TTLL7: variants seen among roughly 807,000 people sequenced by gnomAD.
The protein encoded by TTLL7 is tubulin tyrosine ligase like 7.
A neutral mutation model predicts 120.2 loss-of-function variants in TTLL7; 53 were observed. The observed-to-expected ratio is 0.44, with a 90% CI of 0.35 to 0.55. The LOEUF is 0.55. TTLL7 is among the 20% of genes least tolerant of loss of function. The pLI, the probability that TTLL7 is intolerant of heterozygous loss-of-function variation, is 0.00. For missense variants in TTLL7, 803 were observed against 1,054.7 expected, an observed-to-expected ratio of 0.76 and a Z score of 3.31; for synonymous variants, 353 against 351.7, an observed-to-expected ratio of 1.00 and a Z score of -0.04.
In TTLL7 at chr1:83,911,347, G is replaced by A. The variant is rs369267255; in HGVS notation, c.1604C>T (p.Pro535Leu). The change falls in exon 15 of 21, where the codon CCT becomes CTT. Residue 535 changes from proline to leucine, a missense_variant. Physicochemically the swap from Pro to Leu is moderately conservative, Grantham distance 98. This residue lies in a region of TTLL7 where 388 missense variants were observed against 450.4 expected (regional missense o/e 0.86). Transcript: ENST00000260505. ...TCTTTTCATTATCTCAGTACTCTCA[G>A]GCATAGAACACAGAGGCTAAAAAAG... is the stretch of plus-strand genomic sequence containing the variant. ...TRGPKPLCSMPESTEIMKRPK... is the reference protein window; with the variant it reads ...TRGPKPLCSMLESTEIMKRPK... 3.1e-6 allele frequency: 5 copies of A among 1,611,912 alleles called. No individual in the cohort carries two copies. The highest frequency in any genetic ancestry group is 1.3e-5 in the African/African-American group (1 of 74,716).
intron 1 of TTLL7, among the ~76,000 whole-genome samples, chr1:83,986,739 C>T (rs1340646847): frequency 6.6e-6 from 1 of 152,098 alleles, no homozygotes; most frequent in Non-Finnish European, 1.5e-5. Flanking sequence ...ACTCAAGAGG[C>T]TGAGACAGCA....
At chr1:83,976,077 C>CTG (rs1651457104) in intron 1 of TTLL7, among the ~76,000 whole-genome samples, 3 of 103,062 alleles carry the variant, frequency 2.9e-5, no homozygotes, top group African/African-American at 7.3e-5. Flanking sequence ...GTGTGTGTGT[C>CTG]TGTGTGTGTA....
chr1:83,884,536 A>G (rs1654806016), intron 19 of TTLL7, among the ~76,000 whole-genome samples: 1 of 151,850 alleles, frequency 6.6e-6, no homozygotes, highest in Non-Finnish European at 1.5e-5. Context: ...AGGGAGTAAG[A>G]CTGAAATGAG....
At chr1:83,970,847 G>A (rs1187609446) in intron 1 of TTLL7, among the ~76,000 whole-genome samples, 4 of 152,028 alleles carry the variant, frequency 2.6e-5, no homozygotes, top group African/African-American at 7.2e-5. Flanking sequence ...ACAGCTTCAT[G>A]GTGGGTGGCA....
At chr1:83,984,459 T>TA (rs1652262649) in intron 1 of TTLL7, among the ~76,000 whole-genome samples, 1 of 152,148 alleles carries the variant, frequency 6.6e-6, no homozygotes, top group South Asian at 2.1e-4. Flanking sequence ...ACCAAAAAGA[T>TA]ACATGCACTT....
At chr1:83,973,689 A>G (rs1392563339) in intron 1 of TTLL7, among the ~76,000 whole-genome samples, 1 of 152,104 alleles carries the variant, frequency 6.6e-6, no homozygotes, top group Non-Finnish European at 1.5e-5. Context: ...GAGCCTTCCT[A>G]TAACTGAACT....
rs188369548 is a variant in TTLL7, at chr1:83,973,535, T to C, written c.-176-21148A>G. ...CCAACTTTGTTCTTCTCCTTCGATA[T>C]TGTGTTGGCTCTTCTGGGTCTCTTG... On this transcript the variant is annotated intron_variant, in intron 1 of 20. Coordinates refer to ENST00000260505, the MANE Select transcript of TTLL7 (RefSeq NM_024686.6). 3.5e-4 allele frequency among the ~76,000 whole-genome samples: 53 copies of C among 152,172 alleles called. No individual in the cohort carries two copies. In the East Asian group the frequency reaches 8.3e-3, roughly 24 times the overall value.
At chr1:83,900,955 G>A (rs141299970) in intron 18 of TTLL7, among the ~76,000 whole-genome samples, 5 of 152,014 alleles carry the variant, frequency 3.3e-5, no homozygotes, top group Admixed American at 6.6e-5. Context: ...TAAGGTCAAG[G>A]ATCTATTTAC....
Position 83,947,104 on chromosome 1 carries a change from C to T in TTLL7, c.506+20G>A. ...AAATTTTTTTTTATTTTTATATATT[C>T]CAAATAAAAGCAAACCTACCCATGA... On this transcript the variant is annotated intron_variant, in intron 6 of 20. Transcript: ENST00000260505. The T allele has an allele frequency of 6.4e-7, 1 of 1,550,612 alleles. No homozygotes were observed. The highest frequency in any genetic ancestry group is 1.3e-5 in the South Asian group (1 of 79,510).
At chr1:83,876,931 A>G (rs903168304) in intron 20 of TTLL7, among the ~76,000 whole-genome samples, 1 of 151,978 alleles carries the variant, frequency 6.6e-6, no homozygotes, top group Non-Finnish European at 1.5e-5. Flanking sequence ...GACCGCTAAT[A>G]CAATGCTGGA....
intron 19 of TTLL7, chr1:83,884,958 G>A (rs74367071): frequency 0.016 from 2,570 of 159,728 alleles, 34 homozygotes; most frequent in Admixed American, 0.025. Flanking sequence ...GTAATTCGAC[G>A]GTTAAATTAA....
chr1:83,923,449 T>G (rs1487659240), intron 10 of TTLL7, among the ~76,000 whole-genome samples: 1 of 151,834 alleles, frequency 6.6e-6, no homozygotes, highest in Non-Finnish European at 1.5e-5. Flanking sequence ...ATGATGAGTA[T>G]TCTATGAAAA....
chr1:83,929,195 T>C lies in TTLL7; in HGVS notation c.1083A>G (p.Lys361=). Residue 361 remains lysine, a synonymous_variant, in exon 10 of 21, where the codon AAA becomes AAG. Transcript: ENST00000260505. ...NRAPSFGTDQ[K]IDYDVKRGVL... ...CTCCCCTTTTTACATCATAGTCTAT[T>C]TTCTGATCAGTTCCAAAGCTTGGGG... 6.2e-7 allele frequency: 1 copy of C among 1,612,452 alleles called. No individual in the cohort carries two copies. Among genetic ancestry groups the C allele is most frequent in the Non-Finnish European group, 8.5e-7 (1 of 1,178,980 alleles).
intron 15 of TTLL7, among the ~76,000 whole-genome samples, chr1:83,908,171 A>G (rs932288630): frequency 9.2e-5 from 14 of 152,056 alleles, no homozygotes; most frequent in Admixed American, 4.6e-4. Context: ...TTTCTATAAT[A>G]CCATGATGCT....
chr1:83,879,679 C>CATAT (rs1420299332), intron 20 of TTLL7, among the ~76,000 whole-genome samples: 1 of 151,862 alleles, frequency 6.6e-6, no homozygotes, highest in Non-Finnish European at 1.5e-5. Flanking sequence ...AGATGATGAC[C>CATAT]ATATGTCTGA....
intron 1 of TTLL7, among the ~76,000 whole-genome samples, chr1:83,961,665 A>C (rs1001083733): frequency 1.3e-5 from 2 of 152,172 alleles, no homozygotes; most frequent in African/African-American, 4.8e-5. Flanking sequence ...AGGTGACAGA[A>C]GACAAGGTTA....
intron 19 of TTLL7, among the ~76,000 whole-genome samples, chr1:83,887,006 A>C (rs1655027477): frequency 6.6e-6 from 1 of 152,070 alleles, no homozygotes; most frequent in Admixed American, 6.6e-5. Context: ...GCATGTGATA[A>C]AACTGTTACT....
In TTLL7 at chr1:83,917,483, A is replaced by C. The variant is rs1234417782; in HGVS notation, c.1587+121T>G. On this transcript the variant is annotated intron_variant, in intron 14 of 20. Coordinates refer to ENST00000260505, the MANE Select transcript of TTLL7 (RefSeq NM_024686.6). ...TCATCATCTTCCAAACTTTACCTGC[A>C]CTGGGCACACAGTCCCTGTGGTTCC... The C allele has an allele frequency of 7.5e-6, 5 of 663,426 alleles. No individual in the cohort carries two copies. In the South Asian group the frequency reaches 1.1e-4, roughly 15 times the overall value. The allele number at this position is 663,426 out of a possible 1,614,324, so 41.1% of individuals were successfully genotyped here. A position where few individuals can be genotyped will look rare whatever the true frequency, so the allele number is the denominator to read the frequency against.
chr1:83,932,941 G>GAA (rs200159745), intron 9 of TTLL7, among the ~76,000 whole-genome samples: 3 of 151,934 alleles, frequency 2.0e-5, no homozygotes, highest in Admixed American at 2.0e-4. Flanking sequence ...TAACTAGCAG[G>GAA]AAAAAATATA....
Sources: gnomAD v4.1 joint callset for allele counts (sites outside exome capture counted in the v4.1 genomes callset) on GRCh38, gnomAD v4.1.1 for gene constraint, gnomAD v4.1.1 regional missense constraint, MANE v1.5 for transcripts, NCBI Gene and HGNC (gene_info 2026-07-23, HGNC 2026-07-21) for gene names.